FHIT: variants seen among roughly 807,000 people sequenced by gnomAD.
FHIT encodes fragile histidine triad diadenosine triphosphatase.
FHIT carries 19 observed loss-of-function variants against 17.9 expected under a neutral mutation model. The ratio of observed to expected loss-of-function variants is 1.06; its 90% CI spans 0.74 to 1.56. FHIT has a LOEUF of 1.56. FHIT is among the 40% of genes most tolerant of loss of function. The probability of loss-of-function intolerance (pLI) is 0.00; values close to 1 mark genes in which losing one functional copy is unlikely to be tolerated. For missense variants in FHIT, 248 were observed against 189.2 expected (o/e 1.31, Z -1.82); for synonymous variants, 81 against 69.7 (o/e 1.16, Z -0.81).
chr3:59,923,786 T>G (rs1222850523), intron 7 of FHIT, among the ~76,000 whole-genome samples: 1 of 152,100 alleles, frequency 6.6e-6, no homozygotes, highest in Admixed American at 6.5e-5. Flanking sequence ...ACGTAAGATT[T>G]AAGTGTCCCT....
chr3:59,757,712 A>C (rs938415001), intron 8 of FHIT, among the ~76,000 whole-genome samples: 3 of 152,224 alleles, frequency 2.0e-5, no homozygotes, highest in African/African-American at 7.2e-5. Context: ...TTTTTATAAA[A>C]ACATATTTCA....
chr3:60,884,910 C>CAAAAAAAA (rs71092651), intron 3 of FHIT, among the ~76,000 whole-genome samples: 1 of 110,286 alleles, frequency 9.1e-6, no homozygotes, highest in Non-Finnish European at 1.9e-5. Context: ...GACCCTTTCT[C>CAAAAAAAA]AAAAAAAAAA....
chr3:60,732,001 G>T, intron 4 of FHIT: 1 of 377,056 alleles, frequency 2.7e-6, no homozygotes, highest in Non-Finnish European at 5.0e-6. Flanking sequence ...ATCCAGCTAG[G>T]GAACAAGGAA....
At chr3:60,007,783 G>A (rs147914139) in intron 7 of FHIT, among the ~76,000 whole-genome samples, 1 of 152,174 alleles carries the variant, frequency 6.6e-6, no homozygotes, top group African/African-American at 2.4e-5. Flanking sequence ...ACTTAGCAAG[G>A]CCTGTGTGTT....
chr3:60,885,354 G>A, intron 3 of FHIT, among the ~76,000 whole-genome samples: 1 of 151,964 alleles, frequency 6.6e-6, no homozygotes, highest in East Asian at 1.9e-4. Context: ...AAAACATTAA[G>A]TTTAAAATAT....
At chr3:60,156,329 G>A (rs1473309338) in intron 5 of FHIT, among the ~76,000 whole-genome samples, 4 of 149,232 alleles carry the variant, frequency 2.7e-5, no homozygotes, top group African/African-American at 7.4e-5. Flanking sequence ...CAGCCTGGGT[G>A]ACAGAGTGAG....
chr3:59,904,227 T>TAAA (rs10691217), intron 8 of FHIT, among the ~76,000 whole-genome samples: 133 of 132,378 alleles, frequency 1.0e-3, no homozygotes, highest in Non-Finnish European at 1.6e-3. Flanking sequence ...AAATCATGGT[T>TAAA]AAAAAAAAAA....
At chr3:60,669,130 G>C (rs940945655) in intron 4 of FHIT, among the ~76,000 whole-genome samples, 2 of 150,684 alleles carry the variant, frequency 1.3e-5, no homozygotes. Context: ...CTTGAACAAA[G>C]CAGATTCTTC....
chr3:60,378,285 G>A (rs992578345), intron 5 of FHIT, among the ~76,000 whole-genome samples: 5 of 152,116 alleles, frequency 3.3e-5, no homozygotes, highest in Admixed American at 6.5e-5. Flanking sequence ...AGCCTCCCGA[G>A]ACTATTCTTA....
Position 60,745,067 on chromosome 3 carries a change from G to T in FHIT, c.-18+76852C>A, listed in dbSNP as rs190650107. Among the ~76,000 whole-genome samples, 752 of 152,174 alleles carry T rather than the reference G, an allele frequency of 4.9e-3. 3 individuals are homozygous for T. Among genetic ancestry groups the T allele is most frequent in the Non-Finnish European group, 7.8e-3 (529 of 68,020 alleles). On this transcript the variant is annotated intron_variant, in intron 4 of 9. Transcript: ENST00000492590. Reference sequence around the variant, plus strand: ...GTTTGAGACCTGCCAGGGCAATATAGGAAGACCCCATTCTCCACAAAAAGG... The same window carrying T: ...GTTTGAGACCTGCCAGGGCAATATATGAAGACCCCATTCTCCACAAAAAGG...
chr3:60,620,541 T>G (rs2039091631), intron 4 of FHIT, among the ~76,000 whole-genome samples: 1 of 151,950 alleles, frequency 6.6e-6, no homozygotes, highest in African/African-American at 2.4e-5. Flanking sequence ...GGAGCCAAAT[T>G]TTAAGGGCTG....
intron 5 of FHIT, among the ~76,000 whole-genome samples, chr3:60,313,324 A>T (rs1232430526): frequency 6.6e-6 from 1 of 152,224 alleles, no homozygotes; most frequent in Non-Finnish European, 1.5e-5. Context: ...CTCTAAAATT[A>T]GGTGCCTTCT....
chr3:60,323,206 G>A (rs1358491793), intron 5 of FHIT, among the ~76,000 whole-genome samples: 1 of 151,984 alleles, frequency 6.6e-6, no homozygotes, highest in Non-Finnish European at 1.5e-5. Context: ...GGGCTCCCAG[G>A]ACACCACCGG....
At chr3:60,543,125 G>C (rs1296700562) in intron 4 of FHIT, among the ~76,000 whole-genome samples, 1 of 152,050 alleles carries the variant, frequency 6.6e-6, no homozygotes, top group Non-Finnish European at 1.5e-5. Context: ...TAAAGGACCA[G>C]ACACAGCAGG....
At chr3:60,181,697 G>C (rs1366375041) in intron 5 of FHIT, among the ~76,000 whole-genome samples, 5 of 152,090 alleles carry the variant, frequency 3.3e-5, no homozygotes, top group African/African-American at 1.2e-4. Flanking sequence ...TTGTGATCTG[G>C]TCTCACAAAG....
intron 5 of FHIT, among the ~76,000 whole-genome samples, chr3:60,057,585 G>T (rs957062419): frequency 6.6e-6 from 1 of 152,036 alleles, no homozygotes; most frequent in African/African-American, 2.4e-5. Context: ...TAATCCCATA[G>T]ATAGTTTTTT....
At chr3:60,195,640 A>G (rs1383267149) in intron 5 of FHIT, among the ~76,000 whole-genome samples, 1 of 146,336 alleles carries the variant, frequency 6.8e-6, no homozygotes, top group Admixed American at 6.9e-5. Flanking sequence ...TATACATATA[A>G]ACATGATATA....
At chr3:61,080,932 G>T (rs935436341) in intron 2 of FHIT, among the ~76,000 whole-genome samples, 12 of 152,220 alleles carry the variant, frequency 7.9e-5, no homozygotes, top group African/African-American at 2.9e-4. Context: ...AAAGGATCAC[G>T]GCAAAAAGCG....
At chr3:60,569,934 C>T (rs1576899292) in intron 4 of FHIT, among the ~76,000 whole-genome samples, 1 of 151,374 alleles carries the variant, frequency 6.6e-6, no homozygotes, top group African/African-American at 2.4e-5. Flanking sequence ...TGTAATTCAC[C>T]CAAATGATAC....
Sources: gnomAD v4.1 joint callset for allele counts (sites outside exome capture counted in the v4.1 genomes callset) on GRCh38, gnomAD v4.1.1 for gene constraint, MANE v1.5 for transcripts, NCBI Gene and HGNC (gene_info 2026-07-23, HGNC 2026-07-21) for gene names.